The following PRIM2 variants were observed in gnomAD, a reference collection of about 807,000 sequenced individuals.
PRIM2 encodes DNA primase large subunit.
Under a neutral mutation model 67.3 loss-of-function variants are expected in PRIM2, and 39 were observed. That is an observed-to-expected ratio of 0.58 (90% CI 0.45 to 0.76). The LOEUF (loss-of-function observed/expected upper bound fraction) is 0.76, where lower values mean the gene tolerates loss of function less well. PRIM2 is among the 30% of genes least tolerant of loss of function. PRIM2 has a pLI of 0.00. For missense variants in PRIM2, 398 were observed against 598.7 expected (o/e 0.66, Z 3.50); for synonymous variants, 143 against 198.7 (o/e 0.72, Z 2.36).
Position 57,368,854 on chromosome 6 carries a change from T to G in PRIM2, c.460-11047T>G, listed in dbSNP as rs914733101. The stretch of plus-strand genomic sequence containing the variant: ...AGTGACTTATAGAAAGGTTTGTTCC[T>G]TGTTCATATTCTGTGTCTTCATGGG... On this transcript the variant is annotated intron_variant, in intron 5 of 13. Transcript: ENST00000615550. 2.6e-5 allele frequency among the ~76,000 whole-genome samples: 4 copies of G among 152,174 alleles called. No individual in the cohort carries two copies. In the South Asian group the frequency reaches 8.3e-4, roughly 31 times the overall value.
chr6:57,356,151 G>A (rs1397691990), intron 5 of PRIM2, among the ~76,000 whole-genome samples: 1 of 152,188 alleles, frequency 6.6e-6, no homozygotes, highest in Non-Finnish European at 1.5e-5. Flanking sequence ...TATAGCTTGT[G>A]AGTGAAGAGC....
intron 5 of PRIM2, among the ~76,000 whole-genome samples, chr6:57,378,855 A>C (rs9464458): frequency 6.6e-6 from 1 of 152,328 alleles, no homozygotes; most frequent in Non-Finnish European, 1.5e-5. Flanking sequence ...CCCAAATAAT[A>C]TAGCCTGTTT....
intron 8 of PRIM2, among the ~76,000 whole-genome samples, chr6:57,509,720 T>C (rs1774321870): frequency 6.6e-6 from 1 of 151,732 alleles, no homozygotes; most frequent in Non-Finnish European, 1.5e-5. Context: ...CCCTACGGCC[T>C]TACAAATATT....
intron 10 of PRIM2, among the ~76,000 whole-genome samples, chr6:57,557,772 A>C (rs1775544036): frequency 6.7e-6 from 1 of 149,376 alleles, no homozygotes; most frequent in African/African-American, 2.4e-5. Context: ...CTTAAAAGTT[A>C]AAAAAAAAAA....
the PRIM2 span, among the ~76,000 whole-genome samples, chr6:57,281,330 T>C: frequency 6.6e-6 from 1 of 152,334 alleles, no homozygotes; most frequent in South Asian, 2.1e-4. Context: ...GTGGAATTGC[T>C]GGATCACGTT....
chr6:57,469,258 G>C (rs1406929464), intron 7 of PRIM2, among the ~76,000 whole-genome samples: 7 of 152,204 alleles, frequency 4.6e-5, no homozygotes, highest in African/African-American at 1.4e-4. Context: ...CCTCCTGGCA[G>C]ATTAGCTTTC....
chr6:57,476,295 C>T (rs1479941569), intron 7 of PRIM2, among the ~76,000 whole-genome samples: 1 of 152,254 alleles, frequency 6.6e-6, no homozygotes, highest in Admixed American at 6.5e-5. Context: ...TGGTAAAATA[C>T]GTTCAGCTAC....
chr6:57,548,146 T>G (rs1218515625), intron 10 of PRIM2, among the ~76,000 whole-genome samples: 1 of 152,176 alleles, frequency 6.6e-6, no homozygotes, highest in Non-Finnish European at 1.5e-5. Flanking sequence ...AGTGGGTAAT[T>G]TATAAAGAAG....
chr6:57,257,626 T>C, the PRIM2 span, among the ~76,000 whole-genome samples: 1 of 152,312 alleles, frequency 6.6e-6, no homozygotes, highest in South Asian at 2.1e-4. Flanking sequence ...GGTAAACTAC[T>C]CATGGTAACC....
chr6:57,607,635 T>G (rs1197712969), intron 12 of PRIM2, among the ~76,000 whole-genome samples: 1 of 152,126 alleles, frequency 6.6e-6, no homozygotes, highest in Non-Finnish European at 1.5e-5. Flanking sequence ...GAAGTATAGT[T>G]GGTTTCGGTT....
the PRIM2 span, among the ~76,000 whole-genome samples, chr6:57,258,646 G>C: frequency 1.6e-5 from 2 of 121,870 alleles, no homozygotes; most frequent in African/African-American, 6.3e-5. Context: ...CTTATGCAAA[G>C]TTAAGAAAGC....
chr6:57,447,243 T>C (rs1772397227), intron 7 of PRIM2, among the ~76,000 whole-genome samples: 1 of 152,236 alleles, frequency 6.6e-6, no homozygotes, highest in Non-Finnish European at 1.5e-5. Flanking sequence ...TTTTTAGATG[T>C]ATGAGTGCAG....
intron 13 of PRIM2, among the ~76,000 whole-genome samples, chr6:57,639,072 T>A (rs1777178417): frequency 6.6e-6 from 1 of 152,108 alleles, no homozygotes; most frequent in Non-Finnish European, 1.5e-5. Flanking sequence ...CACAGTGCAA[T>A]CAAATTAGAA....
At chr6:57,433,803 G>A (rs1771914503) in intron 7 of PRIM2, among the ~76,000 whole-genome samples, 2 of 152,152 alleles carry the variant, frequency 1.3e-5, no homozygotes, top group African/African-American at 4.8e-5. Context: ...TGGTATAAAA[G>A]TCATTCAAAT....
At chr6:57,340,727 G>A (rs1053989575) in intron 5 of PRIM2, among the ~76,000 whole-genome samples, 9 of 152,094 alleles carry the variant, frequency 5.9e-5, no homozygotes, top group Non-Finnish European at 1.2e-4. Flanking sequence ...TAGGGGTGAG[G>A]GATAGCATTA....
chr6:57,611,794 G>C (rs1431293984), intron 12 of PRIM2, among the ~76,000 whole-genome samples: 116 of 152,140 alleles, frequency 7.6e-4, no homozygotes, highest in African/African-American at 2.8e-3. Flanking sequence ...GCAAAAGACA[G>C]CTTTAAGAGA....
At chr6:57,393,000 T>TTATATATA (rs66531304) in intron 7 of PRIM2, among the ~76,000 whole-genome samples, 1 of 149,964 alleles carries the variant, frequency 6.7e-6, no homozygotes, top group Admixed American at 6.6e-5. Context: ...GTATTCCTTA[T>TTATATATA]TATATATATA....
intron 5 of PRIM2, among the ~76,000 whole-genome samples, chr6:57,374,577 C>T (rs942610211): frequency 3.4e-5 from 5 of 148,406 alleles, no homozygotes; most frequent in African/African-American, 1.2e-4. Flanking sequence ...CAGGCGTGAG[C>T]CACCGCGCCC....
At chr6:57,598,068 T>A (rs1257262208) in intron 10 of PRIM2, among the ~76,000 whole-genome samples, 5 of 152,090 alleles carry the variant, frequency 3.3e-5, no homozygotes, top group Non-Finnish European at 7.4e-5. Context: ...GTTATTAGAG[T>A]GAGAACCTTG....
Sources: gnomAD v4.1 joint callset for allele counts (sites outside exome capture counted in the v4.1 genomes callset) on GRCh38, gnomAD v4.1.1 for gene constraint, MANE v1.5 for transcripts, NCBI Gene and HGNC (gene_info 2026-07-23, HGNC 2026-07-21) for gene names.